The following PIP5K1B variants were observed in gnomAD, a reference collection of about 807,000 sequenced individuals.
PIP5K1B encodes phosphatidylinositol 4-phosphate 5-kinase type-1 beta.
In PIP5K1B, 42 loss-of-function variants were observed where a neutral mutation model predicts 67.0. That is an observed-to-expected ratio of 0.63 (90% CI 0.49 to 0.81). The LOEUF (loss-of-function observed/expected upper bound fraction) is 0.81. PIP5K1B is among the 30% of genes least tolerant of loss of function. PIP5K1B has a pLI of 0.00. For missense variants in PIP5K1B, 459 were observed against 646.3 expected, an observed-to-expected ratio of 0.71 and a Z score of 3.14; for synonymous variants, 214 against 231.4, an observed-to-expected ratio of 0.92 and a Z score of 0.68.
At position 68,907,309 on chromosome 9, in the gene PIP5K1B, A is replaced by G. The variant is rs564363460; in HGVS notation, c.772-10239A>G. Among the ~76,000 whole-genome samples, 185 of 152,106 alleles carry G rather than the reference A, an allele frequency of 1.2e-3. No individual in the cohort carries two copies. In the Middle Eastern group the frequency reaches 0.017, roughly 14 times the overall value. On this transcript the variant is annotated intron_variant, in intron 8 of 15. Coordinates refer to ENST00000265382, the MANE Select transcript of PIP5K1B (RefSeq NM_003558.4). ...AGAACATTGCCACAGGCCTCTCCAT[A>G]CTCACGCATTCCAGCTCTGCCTTAA... is the stretch of plus-strand genomic sequence containing the variant.
intron 15 of PIP5K1B, among the ~76,000 whole-genome samples, chr9:69,001,397 T>G (rs1830819200): frequency 6.7e-6 from 1 of 149,308 alleles, no homozygotes; most frequent in Admixed American, 6.7e-5. Context: ...GTGGATTGTG[T>G]TGCAGCAACA....
Position 68,822,662 on chromosome 9 carries a change from TGAA to T in PIP5K1B, c.52_54del (p.Glu18del), listed in dbSNP as rs763278863. ...GAGAGGCAGCACCTGGAAAACAAAA[TGAA>T]GAAAAAACCTATAAAAAGGTGAGTG... On this transcript the variant is annotated inframe_deletion, in exon 4 of 16. Transcript: ENST00000265382. 21 of 1,613,102 alleles carry T rather than the reference TGAA, an allele frequency of 1.3e-5. No homozygotes were observed. In the South Asian group the frequency reaches 2.3e-4, roughly 18 times the overall value.
chr9:68,726,388 C>T (rs1004619105), intron 1 of PIP5K1B, among the ~76,000 whole-genome samples: 1 of 152,138 alleles, frequency 6.6e-6, no homozygotes, highest in African/African-American at 2.4e-5. Flanking sequence ...GAGTATAACA[C>T]CATTGGCATA....
In PIP5K1B at chr9:68,705,477, C is replaced by T. The variant is rs981878540; in HGVS notation, c.-528C>T. ...GGAAAGCGGGGACACACACACTCGC[C>T]GCGGCGCGCGCGCACTGCACACTCG... On this transcript the variant is annotated 5_prime_UTR_variant, in exon 1 of 16. Coordinates refer to ENST00000265382, the MANE Select transcript of PIP5K1B (RefSeq NM_003558.4). The T allele has an allele frequency of 2.0e-5, 3 of 151,384 alleles. No individual in the cohort carries two copies. The highest frequency in any genetic ancestry group is 2.0e-4 in the South Asian group (1 of 5,060). 9.4% of individuals were successfully genotyped at this position (151,384 alleles called of 1,614,324 possible). A position where few individuals can be genotyped will look rare whatever the true frequency, so the allele number is the denominator to read the frequency against.
At chr9:68,733,984 A>T (rs1019055748) in intron 1 of PIP5K1B, among the ~76,000 whole-genome samples, 19 of 152,148 alleles carry the variant, frequency 1.2e-4, no homozygotes, top group African/African-American at 4.6e-4. Context: ...ATTTATTAGG[A>T]GGCAGTAGAA....
chr9:68,869,632 C>T (rs895664663), intron 5 of PIP5K1B, among the ~76,000 whole-genome samples: 1 of 152,152 alleles, frequency 6.6e-6, no homozygotes, highest in African/African-American at 2.4e-5. Flanking sequence ...GTAATTGCTA[C>T]AGAGACTGTA....
chr9:68,925,623 C>G (rs927912717), intron 12 of PIP5K1B, among the ~76,000 whole-genome samples: 1 of 151,754 alleles, frequency 6.6e-6, no homozygotes, highest in Non-Finnish European at 1.5e-5. Flanking sequence ...AACCTTATTT[C>G]ACTCTAAGGG....
chr9:68,843,999 C>A (rs764156788), intron 4 of PIP5K1B, among the ~76,000 whole-genome samples: 3 of 152,154 alleles, frequency 2.0e-5, no homozygotes, highest in Admixed American at 1.3e-4. Flanking sequence ...AAGATAAAGT[C>A]AGTAGTTGGC....
intron 4 of PIP5K1B, among the ~76,000 whole-genome samples, chr9:68,847,413 T>TGTGTGTGTGTG (rs1822248062): frequency 3.9e-5 from 4 of 101,616 alleles, no homozygotes; most frequent in Admixed American, 1.2e-4. Context: ...AGCAGTGGTT[T>TGTGTGTGTGTG]TGTGTGTGTG....
At chr9:68,904,729 A>G (rs926443920) in intron 8 of PIP5K1B, among the ~76,000 whole-genome samples, 2 of 149,930 alleles carry the variant, frequency 1.3e-5, no homozygotes, top group African/African-American at 4.9e-5. Context: ...CACTACAGAA[A>G]CGGAAGGATT....
intron 14 of PIP5K1B, among the ~76,000 whole-genome samples, chr9:68,957,093 T>C (rs1390650166): frequency 6.6e-6 from 1 of 152,238 alleles, no homozygotes; most frequent in African/African-American, 2.4e-5. Context: ...GTATCCAGGT[T>C]CTTTCCATCT....
At chr9:68,997,114 A>T (rs1379182056) in intron 15 of PIP5K1B, among the ~76,000 whole-genome samples, 2 of 152,234 alleles carry the variant, frequency 1.3e-5, no homozygotes, top group Non-Finnish European at 2.9e-5. Context: ...AGGGTAGTTA[A>T]TAATACTCTT....
At chr9:68,776,375 AC>A (rs2132438645) in intron 2 of PIP5K1B, among the ~76,000 whole-genome samples, 1 of 152,312 alleles carries the variant, frequency 6.6e-6, no homozygotes, top group South Asian at 2.1e-4. Flanking sequence ...GTCACTTTAA[AC>A]ATTCTAGTTC....
chr9:68,984,140 A>C (rs897360113), intron 14 of PIP5K1B, among the ~76,000 whole-genome samples: 6 of 152,192 alleles, frequency 3.9e-5, no homozygotes, highest in Admixed American at 2.6e-4. Context: ...GTTCTGTATT[A>C]TTATTCTCAT....
chr9:68,947,038 C>A (rs994640482), intron 14 of PIP5K1B, among the ~76,000 whole-genome samples: 4 of 152,210 alleles, frequency 2.6e-5, no homozygotes, highest in Admixed American at 1.3e-4. Flanking sequence ...TGATTTGAGA[C>A]ACTAATACCT....
intron 2 of PIP5K1B, chr9:68,782,345 A>C (rs1831337606): frequency 6.0e-6 from 1 of 167,094 alleles, no homozygotes; most frequent in Non-Finnish European, 1.5e-5. Context: ...GTTTTCCTAA[A>C]GTTAGAATAG....
chr9:68,862,936 A>T (rs1313096603), intron 4 of PIP5K1B, among the ~76,000 whole-genome samples: 2 of 152,106 alleles, frequency 1.3e-5, no homozygotes, highest in East Asian at 3.8e-4. Flanking sequence ...GCTTGAAGAA[A>T]TAAAAAGATA....
chr9:68,943,333 G>A (rs1312106075), intron 14 of PIP5K1B, among the ~76,000 whole-genome samples: 2 of 152,086 alleles, frequency 1.3e-5, no homozygotes, highest in East Asian at 1.9e-4. Flanking sequence ...GAAGGGCCTC[G>A]GGTCTTAATC....
At chr9:68,978,519 T>C (rs1419411610) in intron 14 of PIP5K1B, among the ~76,000 whole-genome samples, 3 of 152,236 alleles carry the variant, frequency 2.0e-5, no homozygotes, top group East Asian at 3.8e-4. Flanking sequence ...ATTCATCAGA[T>C]AAGGCACACT....
Sources: allele counts gnomAD v4.1 joint callset (sites outside exome capture counted in the v4.1 genomes callset), GRCh38; gene constraint gnomAD v4.1.1; transcripts MANE v1.5; gene names NCBI Gene and HGNC (gene_info 2026-07-23, HGNC 2026-07-21).